Variants in AGPS observed in about 807,000 individuals in gnomAD.
The protein encoded by AGPS is alkyldihydroxyacetonephosphate synthase, peroxisomal.
AGPS carries 26 observed loss-of-function variants against 90.7 expected under a neutral mutation model. The observed-to-expected ratio is 0.29, with a 90% CI of 0.21 to 0.40. AGPS has a LOEUF of 0.40. Ranked by LOEUF, AGPS falls within the 10% of genes least tolerant of loss-of-function variation. The probability of loss-of-function intolerance (pLI) is 1.00; values close to 1 mark genes in which losing one functional copy is unlikely to be tolerated. For missense variants in AGPS, 540 were observed against 816.1 expected (o/e 0.66, Z 4.12); for synonymous variants, 294 against 285.3 (o/e 1.03, Z -0.31).
chr2:177,460,915 T>C (rs1245736632), intron 8 of AGPS, among the ~76,000 whole-genome samples: 1 of 152,252 alleles, frequency 6.6e-6, no homozygotes, highest in African/African-American at 2.4e-5. Context: ...GAATTTGTAT[T>C]GCTGATATGC....
At chr2:177,521,443 T>C (rs1689190962) in intron 18 of AGPS, 75 bp downstream of exon 18, 2 of 1,242,240 alleles carry the variant, frequency 1.6e-6, no homozygotes, top group Admixed American at 3.4e-5. Flanking sequence ...AATTTATGAA[T>C]TTTAAGTTGA....
chr2:177,438,548 G>T (rs1247342795), intron 5 of AGPS, among the ~76,000 whole-genome samples: 1 of 151,988 alleles, frequency 6.6e-6, no homozygotes, highest in Non-Finnish European at 1.5e-5. Flanking sequence ...TTGCACCTTT[G>T]CTCTTCCACT....
In AGPS at chr2:177,538,182, G is replaced by T; in HGVS notation, c.1964G>T (p.Arg655Ile). ...YVDPNNIFGN[R>I]NLL is the part of the protein sequence containing the mutation. ...GACCCCAATAACATCTTTGGAAACA[G>T]AAACCTTTTATAAATCCATTAGTAC... The change falls in exon 20 of 20, where the codon AGA (arginine) becomes ATA (isoleucine). Residue 655 changes from arginine to isoleucine, a missense_variant. This residue lies in a region of AGPS where 405 missense variants were observed against 692.1 expected (regional missense o/e 0.59). Coordinates refer to ENST00000264167, the MANE Select transcript of AGPS (RefSeq NM_003659.4). 1 of 1,612,766 alleles carries T rather than the reference G, an allele frequency of 6.2e-7. No homozygotes were observed. Among genetic ancestry groups the T allele is most frequent in the Non-Finnish European group, 8.5e-7 (1 of 1,179,062 alleles).
At chr2:177,480,970 T>A (rs1226766095) in intron 10 of AGPS, among the ~76,000 whole-genome samples, 1 of 152,086 alleles carries the variant, frequency 6.6e-6, no homozygotes, top group Non-Finnish European at 1.5e-5. Context: ...AGTTATTTTA[T>A]AACCTCAGTA....
intron 15 of AGPS, among the ~76,000 whole-genome samples, chr2:177,506,394 G>T (rs1452568040): frequency 2.0e-5 from 3 of 151,478 alleles, no homozygotes; most frequent in Non-Finnish European, 4.4e-5. Flanking sequence ...TTCAGGGTAC[G>T]TATGATATTT....
intron 11 of AGPS, among the ~76,000 whole-genome samples, chr2:177,483,017 T>G (rs1388347965): frequency 1.3e-5 from 2 of 152,136 alleles, no homozygotes; most frequent in Non-Finnish European, 2.9e-5. Flanking sequence ...ATACTTCTAT[T>G]AGCTATACCC....
intron 1 of AGPS, among the ~76,000 whole-genome samples, chr2:177,410,720 C>T (rs1367330390): frequency 6.6e-6 from 1 of 152,116 alleles, no homozygotes; most frequent in African/African-American, 2.4e-5. Context: ...ACACCAGTGT[C>T]CAGGAGACAG....
chr2:177,526,447 C>G (rs1355531333), intron 19 of AGPS, among the ~76,000 whole-genome samples: 1 of 152,088 alleles, frequency 6.6e-6, no homozygotes, highest in Non-Finnish European at 1.5e-5. Context: ...CCAGGCTGGT[C>G]TCGAACTCCT....
At chr2:177,463,871 A>G (rs768310921) in intron 9 of AGPS, among the ~76,000 whole-genome samples, 12 of 152,196 alleles carry the variant, frequency 7.9e-5, no homozygotes, top group Non-Finnish European at 1.5e-4. Flanking sequence ...AAGGGATACA[A>G]ATTATAAGTG....
intron 2 of AGPS, 87 bp from the exon 3 acceptor site, chr2:177,434,240 G>T: frequency 1.1e-6 from 1 of 924,632 alleles, no homozygotes; most frequent in Non-Finnish European, 1.7e-6. Flanking sequence ...GATAGTAGCT[G>T]CTTGACCATC....
chr2:177,417,752 CTATA>C (rs1200569270), intron 1 of AGPS, among the ~76,000 whole-genome samples: 5 of 152,040 alleles, frequency 3.3e-5, no homozygotes, highest in Non-Finnish European at 7.4e-5. Flanking sequence ...AATTCTGTGA[CTATA>C]TAAAGTTTTA....
At chr2:177,475,090 T>C (rs967076710) in intron 10 of AGPS, among the ~76,000 whole-genome samples, 2 of 152,140 alleles carry the variant, frequency 1.3e-5, no homozygotes, top group African/African-American at 4.8e-5. Flanking sequence ...TAAGAGCAAA[T>C]AGAAGAGATG....
At chr2:177,432,880 G>T (rs899064893) in intron 2 of AGPS, among the ~76,000 whole-genome samples, 7 of 152,302 alleles carry the variant, frequency 4.6e-5, no homozygotes, top group African/African-American at 1.7e-4. Flanking sequence ...ATCACATGGT[G>T]AAACTGAAAG....
intron 11 of AGPS, among the ~76,000 whole-genome samples, chr2:177,488,186 A>T (rs1688150871): frequency 6.6e-6 from 1 of 151,222 alleles, no homozygotes; most frequent in South Asian, 2.1e-4. Flanking sequence ...CATTTAACAG[A>T]TTATCTTTTT....
At chr2:177,393,425 G>T in intron 1 of AGPS, 1 of 985,406 alleles carries the variant, frequency 1.0e-6, no homozygotes, top group Non-Finnish European at 1.2e-6. Context: ...TCTCCGAGGA[G>T]ATATAAATTT....
Position 177,541,638 on chromosome 2 carries a change from G to A in AGPS, c.*3443G>A, listed in dbSNP as rs956734643. ...TTTATCAACTTTGATTTTAGTTAGG[G>A]CTTAGCTCATGGTTGAAGAAAAGTG... On this transcript the variant is annotated 3_prime_UTR_variant, in exon 20 of 20. Coordinates refer to ENST00000264167, the MANE Select transcript of AGPS (RefSeq NM_003659.4). The A allele has an allele frequency of 1.3e-5, 2 of 152,106 alleles. No individual in the cohort carries two copies. The highest frequency in any genetic ancestry group is 2.4e-5 in the African/African-American group (1 of 41,428). 9.4% of individuals were successfully genotyped at this position (152,106 alleles called of 1,614,324 possible).
At chr2:177,450,236 A>G (rs1363217706) in intron 8 of AGPS, among the ~76,000 whole-genome samples, 1 of 152,142 alleles carries the variant, frequency 6.6e-6, no homozygotes, top group Non-Finnish European at 1.5e-5. Context: ...TATGCTTTGC[A>G]AATATTTTCT....
At chr2:177,514,734 T>A (rs149029926) in intron 17 of AGPS, among the ~76,000 whole-genome samples, 2 of 152,228 alleles carry the variant, frequency 1.3e-5, no homozygotes, top group East Asian at 3.9e-4. Context: ...TCCTTATTGT[T>A]CCCATTGGGA....
chr2:177,535,877 C>T (rs2079179330), intron 19 of AGPS, among the ~76,000 whole-genome samples: 1 of 151,972 alleles, frequency 6.6e-6, no homozygotes. Context: ...TTATGAGGGG[C>T]CACAGCTTTG....
Sources: allele counts gnomAD v4.1 joint callset (sites outside exome capture counted in the v4.1 genomes callset), GRCh38; gene constraint gnomAD v4.1.1; regional missense constraint gnomAD v4.1.1; transcripts MANE v1.5; gene names NCBI Gene and HGNC (gene_info 2026-07-23, HGNC 2026-07-21).